TESMIN: variants seen among roughly 807,000 people sequenced by gnomAD.
TESMIN encodes CXC domain containing 2.
Under a neutral mutation model 47.4 loss-of-function variants are expected in TESMIN, and 34 were observed. That is an observed-to-expected ratio of 0.72 (90% CI 0.55 to 0.96). TESMIN has a LOEUF of 0.96. Ranked by LOEUF, TESMIN falls within the 40% of genes least tolerant of loss-of-function variation. TESMIN has a pLI of 0.00. For synonymous variants in TESMIN, 278 were observed against 258.9 expected (o/e 1.07, Z -0.71); for missense variants, 610 against 637.2 (o/e 0.96, Z 0.46).
At chr11:68,738,419 A>C in intron 6 of TESMIN, 1 of 1,179,774 alleles carries the variant, frequency 8.5e-7, no homozygotes, top group Non-Finnish European at 1.1e-6. Flanking sequence ...AGAGCTATAA[A>C]TGGCAACAAG....
downstream of TESMIN, among the ~76,000 whole-genome samples, chr11:68,707,252 G>A (rs996457760): frequency 6.6e-6 from 1 of 152,190 alleles, no homozygotes. Flanking sequence ...TCACTTATGT[G>A]CCCAGTGCCT....
chr11:68,732,129 A>G (rs1946333876), intron 6 of TESMIN, among the ~76,000 whole-genome samples: 1 of 152,168 alleles, frequency 6.6e-6, no homozygotes, highest in African/African-American at 2.4e-5. Flanking sequence ...TGCACACAGC[A>G]CTTCGTGGAG....
intron 9 of TESMIN, 100 bp from the exon 10 acceptor site, chr11:68,708,600 A>T (rs1269383986): frequency 9.2e-7 from 1 of 1,090,378 alleles, no homozygotes; most frequent in Admixed American, 3.1e-5. Flanking sequence ...ATGCTATTTT[A>T]AAGAACATCA....
intron 3 of TESMIN, among the ~76,000 whole-genome samples, 189 bp from the exon 4 acceptor site, chr11:68,745,300 CAAA>C (rs71993839): frequency 1.7e-4 from 12 of 72,470 alleles, no homozygotes; most frequent in Non-Finnish European, 1.7e-4. Context: ...CACCAAAGGG[CAAA>C]AAAAAAAAAA....
intron 6 of TESMIN, among the ~76,000 whole-genome samples, chr11:68,718,086 C>T (rs1946161036): frequency 6.9e-6 from 1 of 145,892 alleles, no homozygotes; most frequent in African/African-American, 2.5e-5. Context: ...ACCTGCAGGC[C>T]CAGTCAGCCC....
intron 7 of TESMIN, among the ~76,000 whole-genome samples, chr11:68,715,096 C>T (rs1209837831): frequency 1.3e-5 from 2 of 152,334 alleles, no homozygotes; most frequent in Admixed American, 6.5e-5. Context: ...AGAGCAGCCA[C>T]ACCCTTATAA....
chr11:68,704,998 G>A (rs2276267), downstream of TESMIN, among the ~76,000 whole-genome samples: 11,392 of 152,236 alleles, frequency 0.075, 546 homozygotes, highest in Middle Eastern at 0.099. Flanking sequence ...AGTCTCTGCC[G>A]GGGGCCGGGG....
chr11:68,708,150 C>T lies in TESMIN; in HGVS notation c.*158G>A. ...TCCTCAGAAAAGGGGGCATGGGTTG[C>T]CACATCTTCAGAGAGCTCTGAGTAA... On this transcript the variant is annotated 3_prime_UTR_variant, in exon 10 of 10. Transcript: ENST00000255087. 1 of 677,424 alleles carries T rather than the reference C, an allele frequency of 1.5e-6. No individual in the cohort carries two copies. The highest frequency in any genetic ancestry group is 2.5e-6 in the Non-Finnish European group (1 of 404,452). 42.0% of individuals were successfully genotyped at this position (677,424 alleles called of 1,614,324 possible).
At chr11:68,727,029 C>CATATG (rs1946272488) in intron 6 of TESMIN, among the ~76,000 whole-genome samples, 1 of 149,946 alleles carries the variant, frequency 6.7e-6, no homozygotes, top group Non-Finnish European at 1.5e-5. Context: ...CTTTGCATAT[C>CATATG]AATTCATCCA....
At chr11:68,744,207 A>G (rs1214737958) in intron 4 of TESMIN, among the ~76,000 whole-genome samples, 1 of 152,208 alleles carries the variant, frequency 6.6e-6, no homozygotes, top group Non-Finnish European at 1.5e-5. Flanking sequence ...GTGAAACTAC[A>G]TCTGGATTTG....
At chr11:68,745,563 G>A (rs1427874142) in intron 3 of TESMIN, among the ~76,000 whole-genome samples, 1 of 152,166 alleles carries the variant, frequency 6.6e-6, no homozygotes, top group Non-Finnish European at 1.5e-5. Flanking sequence ...TGAGTCCCTG[G>A]GCACGCACTT....
intron 6 of TESMIN, among the ~76,000 whole-genome samples, chr11:68,735,779 G>A (rs913354845): frequency 6.6e-6 from 1 of 152,244 alleles, no homozygotes; most frequent in South Asian, 2.1e-4. Flanking sequence ...CGGCACAGAT[G>A]GAAGAAGTGA....
In TESMIN at chr11:68,747,284, G is replaced by A; in HGVS notation, c.554C>T (p.Ser185Phe). The A allele has an allele frequency of 6.2e-7, 1 of 1,613,978 alleles. No homozygotes were observed. The highest frequency in any genetic ancestry group is 8.5e-7 in the Non-Finnish European group (1 of 1,179,804). Residue 185 changes from serine to phenylalanine, a missense_variant, in exon 3 of 10, where the codon TCC (serine) becomes TTC (phenylalanine). Physicochemically the swap from Ser to Phe is radical, Grantham distance 155. Transcript: ENST00000255087. ...CTGGGACGATGGGAACTTGCAACAG[G>A]ATTCCTGAGCAAGAAGATTCTGCAA... ...ATLQNLLAQE[S>F]CCKFPSSQEL...
In TESMIN at chr11:68,708,044, G is replaced by A. The variant is rs533548019; in HGVS notation, c.*264C>T. 20 of 473,660 alleles carry A rather than the reference G, an allele frequency of 4.2e-5. No homozygotes were observed. The highest frequency in any genetic ancestry group is 2.7e-4 in the African/African-American group (14 of 51,030). 29.3% of individuals were successfully genotyped at this position (473,660 alleles called of 1,614,324 possible). ...CCCCTGCCCTGCTCTGCCCTCCGCC[G>A]CCCTGCAGACACTCTCCCAGGACTA... On this transcript the variant is annotated 3_prime_UTR_variant, in exon 10 of 10. Coordinates refer to ENST00000255087, the MANE Select transcript of TESMIN (RefSeq NM_004923.3).
chr11:68,708,736 G>A (rs921937278), intron 9 of TESMIN, among the ~76,000 whole-genome samples: 13 of 150,460 alleles, frequency 8.6e-5, no homozygotes, highest in Admixed American at 7.3e-4. Flanking sequence ...TTTGAGACCA[G>A]CCTGGGCAAC....
intron 3 of TESMIN, among the ~76,000 whole-genome samples, chr11:68,745,687 A>C (rs1441603801): frequency 6.6e-6 from 1 of 152,238 alleles, no homozygotes; most frequent in East Asian, 1.9e-4. Flanking sequence ...ACAGCTTAGA[A>C]AGGTTAGTCC....
At chr11:68,740,388 G>A (rs149147834) in intron 5 of TESMIN, among the ~76,000 whole-genome samples, 4 of 152,264 alleles carry the variant, frequency 2.6e-5, no homozygotes, top group African/African-American at 9.6e-5. Flanking sequence ...CTGGATAAGG[G>A]GCCAAAATGG....
intron 5 of TESMIN, among the ~76,000 whole-genome samples, chr11:68,741,523 A>G (rs556815443): frequency 3.3e-5 from 5 of 152,196 alleles, no homozygotes; most frequent in African/African-American, 1.2e-4. Flanking sequence ...AGATTTGCTA[A>G]TTGTCTATCT....
At chr11:68,738,080 C>G in intron 6 of TESMIN, 1 of 985,752 alleles carries the variant, frequency 1.0e-6, no homozygotes, top group South Asian at 4.7e-5. Context: ...CTGATAATTT[C>G]AACCAGCTGA....
Sources: gnomAD v4.1 joint callset for allele counts (sites outside exome capture counted in the v4.1 genomes callset) on GRCh38, gnomAD v4.1.1 for gene constraint, MANE v1.5 for transcripts, NCBI Gene and HGNC (gene_info 2026-07-23, HGNC 2026-07-21) for gene names.